Variants in DYNC1H1 observed in about 807,000 individuals in gnomAD.
The protein encoded by DYNC1H1 is dynein cytoplasmic 1 heavy chain 1.
In DYNC1H1, 51 loss-of-function variants were observed where a neutral mutation model predicts 527.1. That is an observed-to-expected ratio of 0.10 (90% CI 0.08 to 0.12). DYNC1H1 has a LOEUF of 0.12. Ranked by LOEUF, DYNC1H1 falls within the 10% of genes least tolerant of loss-of-function variation. DYNC1H1 has a pLI of 1.00. For synonymous variants in DYNC1H1, 2,189 were observed against 2,278.8 expected, an observed-to-expected ratio of 0.96 and a Z score of 1.12; for missense variants, 2,771 against 5,971.8, an observed-to-expected ratio of 0.46 and a Z score of 17.66.
rs529010293 is a variant in DYNC1H1 at position 102,044,348 on chromosome 14, C to T, written c.12759C>T (p.Gly4253=). 240 of 1,613,862 alleles carry T rather than the reference C, an allele frequency of 1.5e-4. No homozygotes were observed. The South Asian group carries it at 1.7e-3, about 11-fold the overall frequency. ...LKTLMAQSIY[G]GRVDNEFDQR... is the part of the protein sequence containing the mutation. ...CCTTAATGGCCCAGTCCATTTATGG[C>T]GGGCGCGTGGACAACGAGTTTGACC... The change falls in exon 71 of 78, where the codon GGC becomes GGT. Residue 4253 remains glycine, a synonymous_variant. Coordinates refer to ENST00000360184, the MANE Select transcript of DYNC1H1 (RefSeq NM_001376.5). The surrounding 1 kb of genome is among the most constrained non-coding windows in gnomAD (Gnocchi z 7.1).
At chr14:101,982,661 A>AC (rs1158497134) in intron 5 of DYNC1H1, among the ~76,000 whole-genome samples, 24 of 133,432 alleles carry the variant, frequency 1.8e-4, no homozygotes, top group African/African-American at 3.9e-4. Context: ...GAAACTACCC[A>AC]CCCCCCCACC....
chr14:101,988,611 T>G (rs746747124), intron 9 of DYNC1H1, 92 bp from the exon 10 acceptor site: 8 of 1,552,798 alleles, frequency 5.2e-6, no homozygotes, highest in Non-Finnish European at 7.1e-6. Flanking sequence ...CTGTGTATCT[T>G]TTATCTGAAA....
Position 102,042,676 on chromosome 14 carries a change from C to G in DYNC1H1, c.12441C>G (p.Phe4147Leu), listed in dbSNP as rs146075696. ...NLLRAGRIFV[F>L]EPPPGVKANM... ...TCCGTGCGGGCCGCATCTTTGTGTT[C>G]GAGCCACCGCCAGGGGTGAAGGCCA... is the stretch of plus-strand genomic sequence containing the variant. Residue 4147 changes from phenylalanine to leucine, a missense_variant, in exon 69 of 78, where the codon TTC (phenylalanine) becomes TTG (leucine). By Grantham distance (22) the Phe-to-Leu change is conservative (BLOSUM62 0). Transcript: ENST00000360184. This position sits in a 1 kb window ranked among gnomAD's most constrained non-coding sequence, Gnocchi z 5.7. 3.1e-6 allele frequency: 5 copies of G among 1,614,014 alleles called. No homozygotes were observed. The highest frequency in any genetic ancestry group is 4.2e-6 in the Non-Finnish European group (5 of 1,180,046).
intron 1 of DYNC1H1, among the ~76,000 whole-genome samples, chr14:101,967,458 T>G (rs894682854): frequency 4.6e-5 from 7 of 152,248 alleles, no homozygotes; most frequent in Non-Finnish European, 7.3e-5. Context: ...TAATTGAATA[T>G]AGAAACATTT....
intron 11 of DYNC1H1, among the ~76,000 whole-genome samples, chr14:101,992,991 T>TGCAGG (rs1263724440): frequency 2.0e-5 from 3 of 151,990 alleles, no homozygotes; most frequent in Non-Finnish European, 4.4e-5. Context: ...GGCTGACAGC[T>TGCAGG]CTGTGTTCGT....
chr14:102,004,925 A>T lies in DYNC1H1; in HGVS notation c.5213A>T (p.Tyr1738Phe), dbSNP rs751768340. Reference sequence around the variant, plus strand: ...GCAACTTCAATTGACCCAAATACCTACATCACTTGGATTGATAAATACCAG... The same window carrying T: ...GCAACTTCAATTGACCCAAATACCTTCATCACTTGGATTGATAAATACCAG... ...GKATSIDPNT[Y>F]ITWIDKYQAQ... The change falls in exon 25 of 78, where the codon TAC (tyrosine) becomes TTC (phenylalanine). Residue 1738 changes from tyrosine (Y) to phenylalanine (F), a missense_variant. By Grantham distance (22) the Tyr-to-Phe change is conservative. Coordinates refer to ENST00000360184, the MANE Select transcript of DYNC1H1 (RefSeq NM_001376.5). The T allele has an allele frequency of 6.2e-7, 1 of 1,614,232 alleles. No individual in the cohort carries two copies. Among genetic ancestry groups the T allele is most frequent in the African/African-American group, 1.3e-5 (1 of 75,070 alleles).
Position 102,010,231 on chromosome 14 carries a change from A to G in DYNC1H1, c.6222-45A>G, listed in dbSNP as rs370577534. The G allele has an allele frequency of 5.6e-6, 9 of 1,613,444 alleles. No individual in the cohort carries two copies. The East Asian group carries it at 6.7e-5, about 12-fold the overall frequency. On this transcript the variant is annotated intron_variant, in intron 30 of 77. Transcript: ENST00000360184. This position sits in a 1 kb window ranked among gnomAD's most constrained non-coding sequence, Gnocchi z 6.0. ...TTGACACTTGACCCTATTATTGCTT[A>G]AAGTATACTGTTATTAAAGATAGCC...
At chr14:101,995,139 A>C (rs2048044353) in intron 14 of DYNC1H1, 42 bp from the exon 15 acceptor site, 2 of 1,614,110 alleles carry the variant, frequency 1.2e-6, no homozygotes, top group African/African-American at 2.7e-5. Context: ...TCTACTGGTG[A>C]ACCCCAGCTC....
chr14:102,012,349 G>A lies in DYNC1H1; in HGVS notation c.6893G>A (p.Arg2298His). ...AGCGTGAGAGGCGAGCTGCAGAAGC[G>A]CCAGTGGATCGTCTTCGATGGCGAT... is the stretch of plus-strand genomic sequence containing the variant. Reference protein sequence around the residue: ...IDSVRGELQKRQWIVFDGDVD... With the variant: ...IDSVRGELQKHQWIVFDGDVD... Residue 2298 changes from arginine to histidine, a missense_variant, in exon 34 of 78, where the codon CGC becomes CAC. By Grantham distance (29) the Arg-to-His change is conservative. Coordinates refer to ENST00000360184, the MANE Select transcript of DYNC1H1 (RefSeq NM_001376.5). This position sits in a 1 kb window ranked among gnomAD's most constrained non-coding sequence, Gnocchi z 4.9. The A allele has an allele frequency of 6.2e-7, 1 of 1,614,200 alleles. No homozygotes were observed. The highest frequency in any genetic ancestry group is 8.5e-7 in the Non-Finnish European group (1 of 1,180,030).
Position 101,997,918 on chromosome 14 carries a change from G to A in DYNC1H1, c.3804+644G>A, listed in dbSNP as rs902259327. On this transcript the variant is annotated intron_variant, in intron 16 of 77. Transcript: ENST00000360184. This position sits in a 1 kb window ranked among gnomAD's most constrained non-coding sequence, Gnocchi z 4.8. ...GAAAGGCAGGTGGTGGTGCTGCTGCGACAGAAGCAGATGAGAGGGCGCTGG... is the reference window on the plus strand; with the variant it reads ...GAAAGGCAGGTGGTGGTGCTGCTGCAACAGAAGCAGATGAGAGGGCGCTGG... Among the ~76,000 whole-genome samples the A allele has an allele frequency of 2.6e-5, 4 of 152,198 alleles. No individual in the cohort carries two copies. Among genetic ancestry groups the A allele is most frequent in the Non-Finnish European group, 4.4e-5 (3 of 68,032 alleles).
chr14:102,032,111 G>T (rs899358270), intron 51 of DYNC1H1, among the ~76,000 whole-genome samples, 161 bp from the exon 52 acceptor site: 2 of 152,130 alleles, frequency 1.3e-5, no homozygotes, highest in South Asian at 2.1e-4. Context: ...ATTCCAGAGG[G>T]TTTAATACAG....
In DYNC1H1 at chr14:102,029,798, A is replaced by C; in HGVS notation, c.9643-21A>C. Reference sequence around the variant, plus strand: ...AATTTCTGCATGTTTCTCGTCTCTGAGTGTGGGCTTTGCTCTTTAGGTAGA... The same window carrying C: ...AATTTCTGCATGTTTCTCGTCTCTGCGTGTGGGCTTTGCTCTTTAGGTAGA... On this transcript the variant is annotated intron_variant, in intron 49 of 77. Transcript: ENST00000360184. This position sits in a 1 kb window ranked among gnomAD's most constrained non-coding sequence, Gnocchi z 5.3. The C allele has an allele frequency of 6.2e-7, 1 of 1,614,108 alleles. No individual in the cohort carries two copies. Among genetic ancestry groups the C allele is most frequent in the African/African-American group, 1.3e-5 (1 of 75,026 alleles).
chr14:102,016,578 G>A lies in DYNC1H1; in HGVS notation c.7614+89G>A, dbSNP rs537567696. The A allele has an allele frequency of 1.2e-5, 20 of 1,609,202 alleles. No individual in the cohort carries two copies. Among genetic ancestry groups the A allele is most frequent in the South Asian group, 3.3e-5 (3 of 90,678 alleles). On this transcript the variant is annotated intron_variant, in intron 37 of 77. Transcript: ENST00000360184. The surrounding 1 kb of genome is among the most constrained non-coding windows in gnomAD (Gnocchi z 7.3). Reference sequence around the variant, plus strand: ...CAAGCTGACCATGGACCTTGGCTTCGTCTTTTCATTTTATTCCATTTCATA... The same window carrying A: ...CAAGCTGACCATGGACCTTGGCTTCATCTTTTCATTTTATTCCATTTCATA...
At chr14:102,031,137 T>G (rs2048505964) in intron 51 of DYNC1H1, among the ~76,000 whole-genome samples, 1 of 152,244 alleles carries the variant, frequency 6.6e-6, no homozygotes, top group Non-Finnish European at 1.5e-5. Context: ...GATGATAATT[T>G]AATGTAGTTC....
chr14:101,966,766 G>A (rs1015168201), intron 1 of DYNC1H1, among the ~76,000 whole-genome samples: 1 of 152,012 alleles, frequency 6.6e-6, no homozygotes, highest in Admixed American at 6.6e-5. Context: ...TGCTTCTAGA[G>A]TGATCACCAG....
intron 27 of DYNC1H1, 41 bp downstream of exon 27, chr14:102,006,211 T>C (rs1219891778): frequency 1.9e-6 from 3 of 1,606,268 alleles, no homozygotes; most frequent in Non-Finnish European, 2.5e-6. Context: ...AATCATATAT[T>C]AAAATGTTTA....
At chr14:102,040,147 T>G in intron 62 of DYNC1H1, 89 bp from the exon 63 acceptor site, 2 of 1,564,860 alleles carry the variant, frequency 1.3e-6, no homozygotes, top group Non-Finnish European at 1.8e-6. Context: ...GCCCGGCCTG[T>G]TTTCTCTTTT....
Position 102,015,582 on chromosome 14 carries a change from T to A in DYNC1H1, c.7242+250T>A, listed in dbSNP as rs1270462892. Among the ~76,000 whole-genome samples, 1 of 152,232 alleles carries A rather than the reference T, an allele frequency of 6.6e-6. No homozygotes were observed. ...GCAGCTACAAATGTTAAAAGTCACG[T>A]ATGGGAAAATTTAAAGAATTCTTTT... On this transcript the variant is annotated intron_variant, in intron 35 of 77. Coordinates refer to ENST00000360184, the MANE Select transcript of DYNC1H1 (RefSeq NM_001376.5). The surrounding 1 kb of genome is among the most constrained non-coding windows in gnomAD (Gnocchi z 6.9).
chr14:101,979,823 C>T lies in DYNC1H1; in HGVS notation c.623C>T (p.Pro208Leu), dbSNP rs556010695. ...ATTGAAATTCCGGAGATCAGCCTGC[C>T]GATTCATCCAATGATCACAAATGTT... ...QNIEIPEISL[P>L]IHPMITNVAK... Residue 208 changes from proline to leucine, a missense_variant, in exon 4 of 78, where the codon CCG becomes CTG. Transcript: ENST00000360184. The surrounding 1 kb of genome is among the most constrained non-coding windows in gnomAD (Gnocchi z 4.6). The T allele has an allele frequency of 2.6e-5, 42 of 1,614,080 alleles. No individual in the cohort carries two copies. The highest frequency in any genetic ancestry group is 5.0e-5 in the Admixed American group (3 of 60,016).
Sources: gnomAD v4.1 joint callset for allele counts (sites outside exome capture counted in the v4.1 genomes callset) on GRCh38, gnomAD v4.1.1 for gene constraint, Gnocchi (gnomAD v3.1) non-coding constraint, MANE v1.5 for transcripts, NCBI Gene and HGNC (gene_info 2026-07-23, HGNC 2026-07-21) for gene names.